SLCO5A1: variants seen among roughly 807,000 people sequenced by gnomAD.
The protein encoded by SLCO5A1 is organic anion transporter polypeptide-related protein 4.
In SLCO5A1, 39 loss-of-function variants were observed where a neutral mutation model predicts 65.1. That is an observed-to-expected ratio of 0.60 (90% CI 0.46 to 0.78). The LOEUF (loss-of-function observed/expected upper bound fraction) is 0.78. SLCO5A1 is among the 30% of genes least tolerant of loss of function. The pLI is 0.00. For synonymous variants in SLCO5A1, 438 were observed against 415.7 expected (o/e 1.05, Z -0.65); for missense variants, 1,029 against 1,069.4 (o/e 0.96, Z 0.53).
intron 2 of SLCO5A1, among the ~76,000 whole-genome samples, chr8:69,767,397 C>T (rs148664037): frequency 1.4e-3 from 216 of 152,322 alleles, no homozygotes; most frequent in African/African-American, 5.1e-3. Flanking sequence ...AAAGCACAGA[C>T]TCCAAAATCA....
intron 2 of SLCO5A1, among the ~76,000 whole-genome samples, chr8:69,825,317 T>G (rs1201119675): frequency 6.6e-6 from 1 of 152,098 alleles, no homozygotes; most frequent in Admixed American, 6.5e-5. Flanking sequence ...GGTATTCAAT[T>G]AGGAAAAGAG....
At chr8:69,781,921 T>G (rs1020101082) in intron 2 of SLCO5A1, among the ~76,000 whole-genome samples, 24 of 152,318 alleles carry the variant, frequency 1.6e-4, no homozygotes, top group Admixed American at 2.6e-4. Context: ...CCTTGCATAG[T>G]GCTGGGATTA....
At chr8:69,715,557 C>G (rs1815481034) in intron 5 of SLCO5A1, among the ~76,000 whole-genome samples, 1 of 152,138 alleles carries the variant, frequency 6.6e-6, no homozygotes, top group African/African-American at 2.4e-5. Context: ...ACTGCAAAAC[C>G]CTGACAAAGC....
chr8:69,725,257 T>G (rs907083600), intron 5 of SLCO5A1, among the ~76,000 whole-genome samples: 70 of 152,222 alleles, frequency 4.6e-4, no homozygotes, highest in African/African-American at 1.6e-3. Flanking sequence ...TATACCATAT[T>G]GGTTCAGTAC....
At chr8:69,678,460 A>G (rs1813635335) in intron 8 of SLCO5A1, among the ~76,000 whole-genome samples, 1 of 152,226 alleles carries the variant, frequency 6.6e-6, no homozygotes, top group Non-Finnish European at 1.5e-5. Flanking sequence ...GTTATAAATT[A>G]AAAGAAATTA....
rs191212776 is a variant in SLCO5A1 at position 69,746,170 on chromosome 8, T to C, written c.1259-7966A>G. 2.5e-3 allele frequency among the ~76,000 whole-genome samples: 375 copies of C among 152,286 alleles called. 2 individuals carry two copies. Among genetic ancestry groups the C allele is most frequent in the Admixed American group, 5.2e-3 (79 of 15,300 alleles). ...GGCAAGGTCTGTAACTTTTCATGTA[T>C]GCATCCTGAGTTCTTAGTCCTGTAG... On this transcript the variant is annotated intron_variant, in intron 4 of 9. Transcript: ENST00000260126.
chr8:69,685,139 A>G (rs1313970829), intron 6 of SLCO5A1, among the ~76,000 whole-genome samples: 4 of 152,248 alleles, frequency 2.6e-5, no homozygotes, highest in African/African-American at 4.8e-5. Flanking sequence ...GTGGGCATTC[A>G]TGAAAAAGTT....
In SLCO5A1 at chr8:69,824,834, T is replaced by C. The variant is rs1234700916; in HGVS notation, c.907+6933A>G. ...GCAGAGACACAACCAAAAAAGAGAA[T>C]TTTACACCAATATCCTTGATGAACA... On this transcript the variant is annotated intron_variant, in intron 2 of 9. Transcript: ENST00000260126. Among the ~76,000 whole-genome samples, 4 of 152,098 alleles carry C rather than the reference T, an allele frequency of 2.6e-5. No homozygotes were observed. The East Asian group carries it at 7.7e-4, about 29-fold the overall frequency.
At chr8:69,755,714 A>AG in intron 3 of SLCO5A1, 73 bp from the exon 4 acceptor site, 1 of 1,389,512 alleles carries the variant, frequency 7.2e-7, no homozygotes, top group South Asian at 1.3e-5. Context: ...GTAAAGCAGA[A>AG]GTTTGTGGTG....
At chr8:69,761,616 A>G (rs1418930009) in intron 3 of SLCO5A1, 127 bp downstream of exon 3, 4 of 949,852 alleles carry the variant, frequency 4.2e-6, no homozygotes, top group African/African-American at 1.7e-5. Flanking sequence ...CCTGCCTGTC[A>G]CCCCTTCCCA....
At chr8:69,674,479 T>C (rs891089789) in intron 9 of SLCO5A1, among the ~76,000 whole-genome samples, 1 of 152,176 alleles carries the variant, frequency 6.6e-6, no homozygotes, top group Non-Finnish European at 1.5e-5. Flanking sequence ...ATTATTAAAG[T>C]TTTTAAAACT....
chr8:69,681,922 T>G (rs1171236836), intron 7 of SLCO5A1, among the ~76,000 whole-genome samples: 1 of 152,154 alleles, frequency 6.6e-6, no homozygotes, highest in Non-Finnish European at 1.5e-5. Context: ...CAAGTTTCAC[T>G]GACTTGGCGC....
intron 2 of SLCO5A1, among the ~76,000 whole-genome samples, chr8:69,788,357 T>C (rs1486049196): frequency 1.3e-5 from 2 of 152,170 alleles, no homozygotes; most frequent in East Asian, 3.8e-4. Context: ...ATCTGCTGAG[T>C]CTAGGACTTG....
intron 5 of SLCO5A1, among the ~76,000 whole-genome samples, chr8:69,726,747 C>T (rs976962402): frequency 2.0e-5 from 3 of 152,064 alleles, no homozygotes; most frequent in East Asian, 1.9e-4. Context: ...GTGATCTGCC[C>T]GCCTTGGCCT....
intron 5 of SLCO5A1, among the ~76,000 whole-genome samples, chr8:69,720,683 A>C (rs1815778630): frequency 6.6e-6 from 1 of 152,230 alleles, no homozygotes; most frequent in Non-Finnish European, 1.5e-5. Context: ...CTACCTCATG[A>C]AATAAAGTGT....
rs371771142 is a variant in SLCO5A1, at chr8:69,802,398, C to T, written c.907+29369G>A. On this transcript the variant is annotated intron_variant, in intron 2 of 9. Transcript: ENST00000260126. ...GCGCATGCCTGCAGTCCCAGCTACT[C>T]GGGAGGCGGAGGTGGGAGGATCGCT... is the stretch of plus-strand genomic sequence containing the variant. Among the ~76,000 whole-genome samples, 15 of 150,736 alleles carry T rather than the reference C, an allele frequency of 1.0e-4. 1 individual carries two copies. Among genetic ancestry groups the T allele is most frequent in the African/African-American group, 3.7e-4 (15 of 40,864 alleles).
chr8:69,676,145 G>GT (rs137873157), intron 9 of SLCO5A1, among the ~76,000 whole-genome samples: 1,906 of 152,164 alleles, frequency 0.013, 43 homozygotes, highest in African/African-American at 0.041. Flanking sequence ...CCTTTTTAAA[G>GT]TTTTTTCTTT....
At chr8:69,807,738 G>A (rs188474755) in intron 2 of SLCO5A1, among the ~76,000 whole-genome samples, 61 of 152,238 alleles carry the variant, frequency 4.0e-4, no homozygotes, top group African/African-American at 1.3e-3. Flanking sequence ...CGAAGTCTCG[G>A]TCTGTCGCCC....
intron 5 of SLCO5A1, among the ~76,000 whole-genome samples, chr8:69,734,562 T>C (rs965296477): frequency 6.6e-6 from 1 of 152,216 alleles, no homozygotes; most frequent in Non-Finnish European, 1.5e-5. Context: ...TGTGAGTCTT[T>C]AGATTTCCCC....
Sources: gnomAD v4.1 joint callset for allele counts (sites outside exome capture counted in the v4.1 genomes callset) on GRCh38, gnomAD v4.1.1 for gene constraint, MANE v1.5 for transcripts, NCBI Gene and HGNC (gene_info 2026-07-23, HGNC 2026-07-21) for gene names.